The following RNF44 variants were observed in gnomAD, a reference collection of about 807,000 sequenced individuals.
The protein encoded by RNF44 is ring finger protein 44.
In RNF44, 25 loss-of-function variants were observed where a neutral mutation model predicts 53.6. The ratio of observed to expected loss-of-function variants is 0.47; its 90% CI spans 0.34 to 0.65. RNF44 has a LOEUF of 0.65. Among genes scored for constraint, RNF44 ranks in the 30% least tolerant of loss-of-function variants. The probability of loss-of-function intolerance (pLI) is 0.01; values close to 1 mark genes in which losing one functional copy is unlikely to be tolerated. For missense variants in RNF44, 581 were observed against 595.5 expected, an observed-to-expected ratio of 0.98 and a Z score of 0.25; for synonymous variants, 282 against 252.2, an observed-to-expected ratio of 1.12 and a Z score of -1.12.
Position 176,531,340 on chromosome 5 carries a change from G to A in RNF44, c.465+123C>T, listed in dbSNP as rs963692482. The A allele has an allele frequency of 1.3e-5, 12 of 955,742 alleles. No homozygotes were observed. Among genetic ancestry groups the A allele is most frequent in the African/African-American group, 3.3e-5 (2 of 60,648 alleles). 59.2% of individuals were successfully genotyped at this position (955,742 alleles called of 1,614,324 possible). A position where few individuals can be genotyped will look rare whatever the true frequency, so the allele number is the denominator to read the frequency against. On this transcript the variant is annotated intron_variant, in intron 4 of 10. Transcript: ENST00000274811. This position sits in a 1 kb window ranked among gnomAD's most constrained non-coding sequence, Gnocchi z 4.2. ...GCTTTCCTGGGGAGGCCAGGCAGGC[G>A]CTCTGACAGCCTGGATGGCTGGATA... is the stretch of plus-strand genomic sequence containing the variant.
At position 176,529,067 on chromosome 5, in the gene RNF44, G is replaced by A; in HGVS notation, c.1260C>T (p.Cys420=). Residue 420 remains cysteine (C), a synonymous_variant, in exon 11 of 11, where the codon TGC becomes TGT. Transcript: ENST00000274811. Reference sequence around the variant, plus strand: ...TGGGCACCTCGGAGGCGTCGGCCCGGCAGATGGGACACGTCCGGTTGGCCT... The same window carrying A: ...TGGGCACCTCGGAGGCGTCGGCCCGACAGATGGGACACGTCCGGTTGGCCT... ...WLKANRTCPI[C]RADASEVPRE... is the part of the protein sequence containing the mutation. 1.9e-6 allele frequency: 3 copies of A among 1,613,118 alleles called. No homozygotes were observed. The highest frequency in any genetic ancestry group is 1.7e-6 in the Non-Finnish European group (2 of 1,179,980).
In RNF44 at chr5:176,537,226, G is replaced by A. The variant is rs557436012; in HGVS notation, c.-331C>T. ...GCGGGAGGCGGCGCAGGACGCAGCT[G>A]GGTCTGCGCGGCAGCCGGCGGCTGG... is the stretch of plus-strand genomic sequence containing the variant. On this transcript the variant is annotated 5_prime_UTR_variant, in exon 1 of 11. Transcript: ENST00000274811. 1 of 152,438 alleles carries A rather than the reference G, an allele frequency of 6.6e-6. No individual in the cohort carries two copies. The highest frequency in any genetic ancestry group is 2.1e-4 in the South Asian group (1 of 4,832). The allele number at this position is 152,438 out of a possible 1,614,324, so 9.4% of individuals were successfully genotyped here.
Position 176,529,344 on chromosome 5 carries a change from G to A in RNF44, c.1180C>T (p.Arg394Ter). Residue 394 changes from arginine (R) to a stop codon, truncating the protein, a stop_gained, in exon 10 of 11, where the codon CGA becomes TGA. Transcript: ENST00000274811. LOFTEE classifies it high-confidence loss of function. The part of the protein sequence containing the change: ...FSDFEARQLL[R>*]VLPCNHEFHT... ...AACTCATGGTTGCAGGGGAGGACTCGGAGCAGCTGCCGCGCCTCGAAGTCA... is the reference window on the plus strand; with the variant it reads ...AACTCATGGTTGCAGGGGAGGACTCAGAGCAGCTGCCGCGCCTCGAAGTCA... The A allele has an allele frequency of 6.2e-7, 1 of 1,613,514 alleles. No individual in the cohort carries two copies. Among genetic ancestry groups the A allele is most frequent in the Non-Finnish European group, 8.5e-7 (1 of 1,179,994 alleles).
In RNF44 at chr5:176,527,331, C is replaced by A. The variant is rs956448511; in HGVS notation, c.*1697G>T. ...ATCTTTTTAAATGCTGTGTTTCCCC[C>A]CCAATAGCTGCTTGTTGGAATCACT... On this transcript the variant is annotated 3_prime_UTR_variant, in exon 11 of 11. Transcript: ENST00000274811. 6.6e-6 allele frequency: 1 copy of A among 152,622 alleles called. No homozygotes were observed. Among genetic ancestry groups the A allele is most frequent in the Admixed American group, 6.5e-5 (1 of 15,288 alleles). 9.5% of individuals were successfully genotyped at this position (152,622 alleles called of 1,614,324 possible). A position where few individuals can be genotyped will look rare whatever the true frequency, so the allele number is the denominator to read the frequency against.
At position 176,529,815 on chromosome 5, in the gene RNF44, C is replaced by A; in HGVS notation, c.930G>T (p.Ser310=). ...YYPSFLPYFL[S]MLPMSPTAMG... is the part of the protein sequence containing the mutation. ...TTGCTGTTGGTGACATTGGCAGCATCGAGCTAGAGAGAGACAAGTGTGGGG... is the reference window on the plus strand; with the variant it reads ...TTGCTGTTGGTGACATTGGCAGCATAGAGCTAGAGAGAGACAAGTGTGGGG... Residue 310 remains serine (S), a synonymous_variant, in exon 8 of 11, where the codon TCG becomes TCT. Transcript: ENST00000274811. 1 of 1,599,752 alleles carries A rather than the reference C, an allele frequency of 6.3e-7. No individual in the cohort carries two copies. The highest frequency in any genetic ancestry group is 1.7e-5 in the Admixed American group (1 of 58,596).
At chr5:176,529,256 G>T in intron 10 of RNF44, 32 bp downstream of exon 10, 4 of 1,589,080 alleles carry the variant, frequency 2.5e-6, no homozygotes, top group Non-Finnish European at 3.5e-6. Flanking sequence ...ACTGCATGAG[G>T]AATACCCAGG....
Position 176,529,366 on chromosome 5 carries a change from G to T in RNF44, c.1158C>A (p.Asp386Glu). ...CTCGGAGCAGCTGCCGCGCCTCGAA[G>T]TCACTGAAGCAGACCACACACCTGT... Reference protein sequence around the residue: ...EQTLCVVCFSDFEARQLLRVL... With the variant: ...EQTLCVVCFSEFEARQLLRVL... The change falls in exon 10 of 11, where the codon GAC becomes GAA. Residue 386 changes from aspartate (D) to glutamate (E), a missense_variant. By Grantham distance (45) the Asp-to-Glu change is conservative (BLOSUM62 2). Transcript: ENST00000274811. The T allele has an allele frequency of 1.2e-6, 2 of 1,613,494 alleles. No homozygotes were observed. The highest frequency in any genetic ancestry group is 1.7e-6 in the Non-Finnish European group (2 of 1,179,950).
chr5:176,531,108 C>G lies in RNF44; in HGVS notation c.466-87G>C. ...CATGCCACCCAGCAAAAGGCCCCCA[C>G]CGGGCACACACCCAGCAGCTCCAGG... is the stretch of plus-strand genomic sequence containing the variant. On this transcript the variant is annotated intron_variant, in intron 4 of 10. Coordinates refer to ENST00000274811, the MANE Select transcript of RNF44 (RefSeq NM_014901.5). This position sits in a 1 kb window ranked among gnomAD's most constrained non-coding sequence, Gnocchi z 4.2. 1.0e-6 allele frequency: 1 copy of G among 967,298 alleles called. No homozygotes were observed. The highest frequency in any genetic ancestry group is 1.4e-6 in the Non-Finnish European group (1 of 694,754). 59.9% of individuals were successfully genotyped at this position (967,298 alleles called of 1,614,324 possible). A position where few individuals can be genotyped will look rare whatever the true frequency, so the allele number is the denominator to read the frequency against.
chr5:176,528,598 G>A lies in RNF44; in HGVS notation c.*430C>T, dbSNP rs1756257062. ...ACACCGTCTGTCTACGCACCTGGCA[G>A]TGCCACCTGGGCAGAGGGCACGCCA... On this transcript the variant is annotated 3_prime_UTR_variant, in exon 11 of 11. Coordinates refer to ENST00000274811, the MANE Select transcript of RNF44 (RefSeq NM_014901.5). 5.1e-6 allele frequency: 1 copy of A among 196,720 alleles called. No individual in the cohort carries two copies. The highest frequency in any genetic ancestry group is 1.0e-5 in the Non-Finnish European group (1 of 95,660). The allele number at this position is 196,720 out of a possible 1,614,324, so 12.2% of individuals were successfully genotyped here. A position where few individuals can be genotyped will look rare whatever the true frequency, so the allele number is the denominator to read the frequency against.
At chr5:176,532,281 G>A (rs1399303135) in intron 2 of RNF44, 85 bp downstream of exon 2, 5 of 1,518,768 alleles carry the variant, frequency 3.3e-6, no homozygotes, top group Non-Finnish European at 4.4e-6. Context: ...CTCCCCCCAT[G>A]GGGAGGGAAG....
upstream of RNF44, among the ~76,000 whole-genome samples, chr5:176,538,888 G>A (rs560650647): frequency 6.6e-6 from 1 of 151,362 alleles, no homozygotes; most frequent in South Asian, 2.1e-4. Flanking sequence ...TTGTCCTTAG[G>A]GAGAACTGGA....
Position 176,531,626 on chromosome 5 carries a change from T to C in RNF44, c.302A>G (p.His101Arg). ...PFMVDLHEQVHQGPVPLSYTV... is the reference protein window; with the variant it reads ...PFMVDLHEQVRQGPVPLSYTV... ...GTAGGACAGAGGGACAGGTCCCTGG[T>C]GCACCTGTGGGTGGAGAGAACGCCG... The change falls in exon 4 of 11, where the codon CAC (histidine) becomes CGC (arginine). Residue 101 changes from histidine (H) to arginine (R), a missense_variant. Physicochemically the swap from His to Arg is conservative, Grantham distance 29. Transcript: ENST00000274811. This position sits in a 1 kb window ranked among gnomAD's most constrained non-coding sequence, Gnocchi z 4.2. The C allele has an allele frequency of 6.2e-7, 1 of 1,609,234 alleles. No individual in the cohort carries two copies. Among genetic ancestry groups the C allele is most frequent in the Non-Finnish European group, 8.5e-7 (1 of 1,177,112 alleles).
chr5:176,543,034 G>C, the RNF44 span, among the ~76,000 whole-genome samples: 1 of 151,794 alleles, frequency 6.6e-6, no homozygotes, highest in Non-Finnish European at 1.5e-5. This position sits in a 1 kb window ranked among gnomAD's most constrained non-coding sequence, Gnocchi z 4.0. Flanking sequence ...GGAGTTCCCC[G>C]GGGCTCCCCG....
chr5:176,530,237 A>C, intron 6 of RNF44, 31 bp from the exon 7 acceptor site: 1 of 370,486 alleles, frequency 2.7e-6, no homozygotes, highest in Non-Finnish European at 3.8e-6. Flanking sequence ...AGGTCAGCCC[A>C]GCAGGCCTGC....
At chr5:176,532,295 G>C (rs1756759401) in intron 2 of RNF44, 71 bp downstream of exon 2, 1 of 1,532,568 alleles carries the variant, frequency 6.5e-7, no homozygotes, top group African/African-American at 1.4e-5. Context: ...AGGGAAGGCA[G>C]CTCAGGGCCC....
intron 2 of RNF44, 73 bp downstream of exon 2, chr5:176,532,293 C>T: frequency 6.6e-7 from 1 of 1,523,994 alleles, no homozygotes; most frequent in Non-Finnish European, 8.8e-7. Flanking sequence ...GGAGGGAAGG[C>T]AGCTCAGGGC....
chr5:176,535,039 G>A (rs1371891606), intron 1 of RNF44, among the ~76,000 whole-genome samples: 1 of 152,220 alleles, frequency 6.6e-6, no homozygotes, highest in Non-Finnish European at 1.5e-5. Flanking sequence ...CCCAGGGCAG[G>A]GAAGGTGGTA....
chr5:176,542,941 G>A (rs1757486267), upstream of RNF44, among the ~76,000 whole-genome samples: 1 of 152,052 alleles, frequency 6.6e-6, no homozygotes, highest in Admixed American at 6.5e-5. Flanking sequence ...TCGCGGTGCC[G>A]GACGCCTGGG....
chr5:176,532,435 G>T lies in RNF44; in HGVS notation c.38C>A (p.Pro13His). ...PWALAVTRWPPSAPVGQRRFS... is the reference protein window; with the variant it reads ...PWALAVTRWPHSAPVGQRRFS... ...TCGCCGCTGGCCCACGGGGGCGGAGGGTGGCCACCTAGTCACTGCCAGAGC... is the reference window on the plus strand; with the variant it reads ...TCGCCGCTGGCCCACGGGGGCGGAGTGTGGCCACCTAGTCACTGCCAGAGC... The change falls in exon 2 of 11, where the codon CCC (proline) becomes CAC (histidine). Residue 13 changes from proline to histidine, a missense_variant. Around this residue, in one of 3 missense-constraint regions of RNF44, gnomAD observed 387 missense variants for 366.0 expected, o/e 1.06. Coordinates refer to ENST00000274811, the MANE Select transcript of RNF44 (RefSeq NM_014901.5). The T allele has an allele frequency of 6.2e-7, 1 of 1,606,418 alleles. No homozygotes were observed. The highest frequency in any genetic ancestry group is 8.5e-7 in the Non-Finnish European group (1 of 1,178,662).
Sources: allele counts gnomAD v4.1 joint callset (sites outside exome capture counted in the v4.1 genomes callset), GRCh38; gene constraint gnomAD v4.1.1; regional missense constraint gnomAD v4.1.1; non-coding constraint Gnocchi (gnomAD v3.1); transcripts MANE v1.5; gene names NCBI Gene and HGNC (gene_info 2026-07-23, HGNC 2026-07-21).